The following SBF2 variants were observed in gnomAD, a reference collection of about 807,000 sequenced individuals.
SBF2 encodes the protein myotubularin-related protein 13.
In SBF2, 112 loss-of-function variants were observed where a neutral mutation model predicts 225.2. The ratio of observed to expected loss-of-function variants is 0.50; its 90% CI spans 0.43 to 0.58. The LOEUF is 0.58. Ranked by LOEUF, SBF2 falls within the 20% of genes least tolerant of loss-of-function variation. The probability of loss-of-function intolerance (pLI) is 0.00; values close to 1 mark genes in which losing one functional copy is unlikely to be tolerated. For missense variants in SBF2, 1,996 were observed against 2,206.2 expected, an observed-to-expected ratio of 0.90 and a Z score of 1.91; for synonymous variants, 763 against 773.3, an observed-to-expected ratio of 0.99 and a Z score of 0.22.
intron 17 of SBF2, among the ~76,000 whole-genome samples, chr11:9,876,233 C>G (rs1036983613): frequency 6.6e-6 from 1 of 152,320 alleles, no homozygotes. Flanking sequence ...GTTTCATCTA[C>G]TTGGAATCCC....
At position 10,063,864 on chromosome 11, in the gene SBF2, G is replaced by C. The variant is rs1010241038; in HGVS notation, c.142-20883C>G. Among the ~76,000 whole-genome samples the C allele has an allele frequency of 3.6e-3, 523 of 144,138 alleles. 4 individuals carry two copies. Among genetic ancestry groups the C allele is most frequent in the South Asian group, 5.5e-3 (25 of 4,516 alleles). The allele number at this position is 144,138 out of a possible 152,430, so 94.6% of individuals were successfully genotyped here. A position where few individuals can be genotyped will look rare whatever the true frequency, so the allele number is the denominator to read the frequency against. On this transcript the variant is annotated intron_variant, in intron 2 of 39. Coordinates refer to ENST00000256190, the MANE Select transcript of SBF2 (RefSeq NM_030962.4). ...ACACACACACACACACACACAGAGA[G>C]AGAGAGAGAGAGAGAGAAAACGAAA...
chr11:9,976,830 G>C (rs867161690), intron 13 of SBF2, among the ~76,000 whole-genome samples: 1 of 151,424 alleles, frequency 6.6e-6, no homozygotes, highest in East Asian at 2.0e-4. Flanking sequence ...GTGCAGTGGC[G>C]TGATCTCGGC....
At chr11:10,294,267 G>T, upstream of SBF2, 1 of 388,098 alleles carries the variant, frequency 2.6e-6, no homozygotes, top group East Asian at 4.1e-5. Flanking sequence ...CCCCACCCGC[G>T]CTGGCTCGGC....
chr11:10,261,015 G>A (rs1056830034), intron 1 of SBF2, among the ~76,000 whole-genome samples: 1 of 152,102 alleles, frequency 6.6e-6, no homozygotes, highest in African/African-American at 2.4e-5. Context: ...ATAGGCAAAT[G>A]ATCTGAACAG....
intron 2 of SBF2, among the ~76,000 whole-genome samples, chr11:10,150,995 AC>A (rs562725384): frequency 1.2e-4 from 18 of 152,286 alleles, no homozygotes; most frequent in Admixed American, 5.2e-4. Context: ...TTATAGAAAC[AC>A]CAGTCAGCAT....
At chr11:10,174,362 A>C (rs1327654313) in intron 2 of SBF2, among the ~76,000 whole-genome samples, 3 of 152,248 alleles carry the variant, frequency 2.0e-5, no homozygotes, top group African/African-American at 7.2e-5. Context: ...TACGTGAAGA[A>C]TGCAGAAGCC....
chr11:9,852,196 A>G (rs1447039152), intron 21 of SBF2, among the ~76,000 whole-genome samples: 2 of 152,214 alleles, frequency 1.3e-5, no homozygotes, highest in Non-Finnish European at 2.9e-5. Flanking sequence ...ACAGATTCCC[A>G]GACATGTTCT....
rs1173353991 is a variant in SBF2, at chr11:9,989,653, CTG to C, written c.1297-60_1297-59del. The stretch of plus-strand genomic sequence containing the variant: ...TTCCAAAATATGCCAAATTCAAAAA[CTG>C]TGATAATTTCATACAATTTGCAAGC... On this transcript the variant is annotated intron_variant, in intron 12 of 39. Transcript: ENST00000256190. 74 of 1,022,988 alleles carry C rather than the reference CTG, an allele frequency of 7.2e-5. No individual in the cohort carries two copies. In the East Asian group the frequency reaches 8.4e-4, roughly 12 times the overall value. The allele number at this position is 1,022,988 out of a possible 1,614,324, so 63.4% of individuals were successfully genotyped here. A position where few individuals can be genotyped will look rare whatever the true frequency, so the allele number is the denominator to read the frequency against.
At chr11:9,817,122 T>A in intron 28 of SBF2, 98 bp from the exon 29 acceptor site, 1 of 1,304,428 alleles carries the variant, frequency 7.7e-7, no homozygotes, top group Non-Finnish European at 1.1e-6. Context: ...GTTTTAGAGG[T>A]CATAGCAAGC....
At chr11:9,923,526 T>C (rs1046643930) in intron 16 of SBF2, among the ~76,000 whole-genome samples, 8 of 152,234 alleles carry the variant, frequency 5.3e-5, no homozygotes, top group African/African-American at 1.9e-4. Context: ...TGTGAAATTT[T>C]GAATCTGTCA....
chr11:10,071,091 T>C (rs1346759233), intron 2 of SBF2, among the ~76,000 whole-genome samples: 1 of 152,050 alleles, frequency 6.6e-6, no homozygotes, highest in Non-Finnish European at 1.5e-5. Context: ...AAATATACAA[T>C]ATTGTAATCC....
chr11:10,049,478 A>G (rs1333827127), intron 2 of SBF2, among the ~76,000 whole-genome samples: 1 of 152,044 alleles, frequency 6.6e-6, no homozygotes, highest in Non-Finnish European at 1.5e-5. Context: ...GTGGTGGCAC[A>G]TATCTGCAAT....
chr11:10,285,227 C>T (rs4442543), intron 1 of SBF2, among the ~76,000 whole-genome samples: 74,616 of 151,666 alleles, frequency 0.49, 18,735 homozygotes, highest in Non-Finnish European at 0.54. Context: ...GGAAGATGAA[C>T]TGAGCCTGGG....
At chr11:9,932,344 T>C (rs1864555790) in intron 16 of SBF2, among the ~76,000 whole-genome samples, 1 of 151,758 alleles carries the variant, frequency 6.6e-6, no homozygotes, top group Non-Finnish European at 1.5e-5. Flanking sequence ...TTCATCAAGG[T>C]TGAAATGAAG....
intron 27 of SBF2, among the ~76,000 whole-genome samples, chr11:9,831,603 G>A (rs887582765): frequency 4.6e-5 from 7 of 152,156 alleles, no homozygotes; most frequent in Non-Finnish European, 8.8e-5. Flanking sequence ...CATCTATTAT[G>A]AGGCAGAAGC....
At chr11:9,858,527 G>A in intron 17 of SBF2, 131 bp from the exon 18 acceptor site, 1 of 933,978 alleles carries the variant, frequency 1.1e-6, no homozygotes, top group Non-Finnish European at 1.6e-6. Flanking sequence ...GGTAGTACAG[G>A]CTTAGCAATC....
intron 1 of SBF2, among the ~76,000 whole-genome samples, chr11:10,212,921 C>T (rs1254130237): frequency 2.6e-5 from 4 of 152,018 alleles, no homozygotes; most frequent in Non-Finnish European, 5.9e-5. Context: ...TGGTGGTGCA[C>T]GCCTGTAGTC....
intron 2 of SBF2, among the ~76,000 whole-genome samples, chr11:10,096,790 C>G (rs1447272182): frequency 6.6e-6 from 1 of 152,100 alleles, no homozygotes; most frequent in Non-Finnish European, 1.5e-5. Context: ...TCTCATAAAA[C>G]TTAAGGGAAA....
intron 17 of SBF2, among the ~76,000 whole-genome samples, chr11:9,889,152 G>C (rs1329921757): frequency 6.6e-6 from 1 of 152,162 alleles, no homozygotes; most frequent in Non-Finnish European, 1.5e-5. Flanking sequence ...TCACCACTTA[G>C]CTAGCTCAGG....
Sources: allele counts gnomAD v4.1 joint callset (sites outside exome capture counted in the v4.1 genomes callset), GRCh38; gene constraint gnomAD v4.1.1; transcripts MANE v1.5; gene names NCBI Gene and HGNC (gene_info 2026-07-23, HGNC 2026-07-21).